The following EGLN1 variants were observed in gnomAD, a reference collection of about 807,000 sequenced individuals.
EGLN1 encodes egl nine homolog 1.
Under a neutral mutation model 38.3 loss-of-function variants are expected in EGLN1, and 17 were observed. The observed-to-expected ratio is 0.44, with a 90% CI of 0.30 to 0.67. The LOEUF is 0.67. Among genes scored for constraint, EGLN1 ranks in the 30% least tolerant of loss-of-function variants. EGLN1 has a pLI of 0.08. For missense variants in EGLN1, 477 were observed against 603.3 expected (o/e 0.79, Z 2.19); for synonymous variants, 283 against 257.5 (o/e 1.10, Z -0.95).
At chr1:231,407,686 T>C (rs1322706101) in intron 1 of EGLN1, among the ~76,000 whole-genome samples, 1 of 152,114 alleles carries the variant, frequency 6.6e-6, no homozygotes, top group South Asian at 2.1e-4. Context: ...TGTGTAAAGT[T>C]CTATTGCAGT....
intron 1 of EGLN1, among the ~76,000 whole-genome samples, chr1:231,394,382 C>CTTTTTT (rs35843267): frequency 2.2e-5 from 3 of 136,656 alleles, no homozygotes; most frequent in Non-Finnish European, 3.1e-5. Context: ...CCCAATTTTC[C>CTTTTTT]TTTTTTTTTT....
intron 1 of EGLN1, among the ~76,000 whole-genome samples, chr1:231,396,460 G>T (rs764219339): frequency 6.6e-6 from 1 of 152,046 alleles, no homozygotes; most frequent in African/African-American, 2.4e-5. Context: ...CACCATGTTG[G>T]CCAGGATGGT....
intron 1 of EGLN1, among the ~76,000 whole-genome samples, chr1:231,411,811 A>G (rs1688955454): frequency 6.6e-6 from 1 of 151,904 alleles, no homozygotes; most frequent in Non-Finnish European, 1.5e-5. Flanking sequence ...AGCCCGGCCA[A>G]CATAATGAAA....
At chr1:231,379,554 G>A (rs543281893) in intron 1 of EGLN1, among the ~76,000 whole-genome samples, 1 of 152,320 alleles carries the variant, frequency 6.6e-6, no homozygotes, top group South Asian at 2.1e-4. Flanking sequence ...GCAGGTGGCT[G>A]GGGCCTATCC....
chr1:231,385,198 A>G (rs1040750760), intron 1 of EGLN1, among the ~76,000 whole-genome samples: 1 of 152,250 alleles, frequency 6.6e-6, no homozygotes, highest in Non-Finnish European at 1.5e-5. Context: ...TAATTACCAT[A>G]AACAGATGAA....
chr1:231,371,762 C>T (rs996967583), intron 2 of EGLN1, among the ~76,000 whole-genome samples: 1 of 152,166 alleles, frequency 6.6e-6, no homozygotes, highest in Admixed American at 6.6e-5. Context: ...CCCAACCAAC[C>T]AAGTAGCTCC....
At chr1:231,406,329 T>C (rs1230745787) in intron 1 of EGLN1, among the ~76,000 whole-genome samples, 5 of 152,102 alleles carry the variant, frequency 3.3e-5, no homozygotes, top group African/African-American at 4.8e-5. Context: ...TTATTAGTGA[T>C]AAAGACTCTC....
chr1:231,419,250 A>ATT (rs1656472195), intron 1 of EGLN1, among the ~76,000 whole-genome samples: 1 of 152,158 alleles, frequency 6.6e-6, no homozygotes, highest in Admixed American at 6.5e-5. Context: ...GGAGGTACCT[A>ATT]TTTCCTAATA....
chr1:231,420,602 C>A (rs1408480290), intron 1 of EGLN1, among the ~76,000 whole-genome samples: 1 of 152,172 alleles, frequency 6.6e-6, no homozygotes, highest in Non-Finnish European at 1.5e-5. Context: ...TATGCAAACA[C>A]AAGGCAGATG....
chr1:231,411,582 T>C (rs1435865456), intron 1 of EGLN1, among the ~76,000 whole-genome samples: 1 of 152,330 alleles, frequency 6.6e-6, no homozygotes, highest in Non-Finnish European at 1.5e-5. Flanking sequence ...CTGGAGTTCA[T>C]GTTTCATGTT....
intron 4 of EGLN1, among the ~76,000 whole-genome samples, chr1:231,366,696 G>C (rs1307973638): frequency 6.6e-6 from 1 of 152,178 alleles, no homozygotes; most frequent in African/African-American, 2.4e-5. Context: ...CCTCTACACA[G>C]AGATAATGAT....
intron 1 of EGLN1, among the ~76,000 whole-genome samples, chr1:231,403,202 C>T (rs1422467553): frequency 2.0e-5 from 3 of 152,140 alleles, no homozygotes; most frequent in South Asian, 2.1e-4. Context: ...TTGCAAATAA[C>T]GTATTTTATG....
intron 1 of EGLN1, among the ~76,000 whole-genome samples, chr1:231,393,307 G>A (rs768357541): frequency 3.3e-5 from 5 of 152,020 alleles, no homozygotes; most frequent in African/African-American, 4.8e-5. Context: ...GTTTTGTTTC[G>A]GTTATTTGCA....
chr1:231,386,110 C>T (rs1688197836), intron 1 of EGLN1, among the ~76,000 whole-genome samples: 1 of 114,744 alleles, frequency 8.7e-6, no homozygotes, highest in Admixed American at 8.8e-5. Flanking sequence ...ACCACCATGC[C>T]CGGCTGGTTT....
intron 1 of EGLN1, among the ~76,000 whole-genome samples, chr1:231,395,875 G>A (rs978473586): frequency 6.6e-6 from 1 of 151,978 alleles, no homozygotes; most frequent in Non-Finnish European, 1.5e-5. Context: ...ATCTCCCAGT[G>A]ACTCATAGAC....
intron 1 of EGLN1, among the ~76,000 whole-genome samples, chr1:231,408,971 T>C (rs1688860563): frequency 1.3e-5 from 2 of 148,898 alleles, no homozygotes; most frequent in African/African-American, 5.0e-5. Flanking sequence ...ATGTTCTTTA[T>C]AAAAAAGTAG....
At chr1:231,367,455 A>G in intron 4 of EGLN1, 114 bp downstream of exon 4, 1 of 1,093,660 alleles carries the variant, frequency 9.1e-7, no homozygotes, top group Non-Finnish European at 1.4e-6. Context: ...CTGATAAAAA[A>G]CAAAAAGTAA....
At position 231,421,121 on chromosome 1, in the gene EGLN1, G is replaced by T; in HGVS notation, c.768C>A (p.Ile256=). The change falls in exon 1 of 5, where the codon ATC becomes ATA. Residue 256 remains isoleucine, a synonymous_variant. Coordinates refer to ENST00000366641, the MANE Select transcript of EGLN1 (RefSeq NM_022051.3). The surrounding 1 kb of genome is among the most constrained non-coding windows in gnomAD (Gnocchi z 5.5). ...DSSKDIRGDK[I]TWIEGKEPGC... is the part of the protein sequence containing the mutation. ...CGGGCTCCTTGCCCTCGATCCAGGT[G>T]ATCTTATCGCCTCGGATGTCCTTGG... 1 of 1,614,160 alleles carries T rather than the reference G, an allele frequency of 6.2e-7. No individual in the cohort carries two copies. Among genetic ancestry groups the T allele is most frequent in the South Asian group, 1.1e-5 (1 of 91,080 alleles).
chr1:231,412,509 T>C (rs115243876), intron 1 of EGLN1, among the ~76,000 whole-genome samples: 1,819 of 152,338 alleles, frequency 0.012, 31 homozygotes, highest in African/African-American at 0.041. Flanking sequence ...ACAAGCCATC[T>C]TGAATGAGTG....
Sources: allele counts gnomAD v4.1 joint callset (sites outside exome capture counted in the v4.1 genomes callset), GRCh38; gene constraint gnomAD v4.1.1; non-coding constraint Gnocchi (gnomAD v3.1); transcripts MANE v1.5; gene names NCBI Gene and HGNC (gene_info 2026-07-23, HGNC 2026-07-21).